The following TBX20 variants were observed in gnomAD, a reference collection of about 807,000 sequenced individuals.
TBX20 encodes the protein T-box transcription factor 20.
Under a neutral mutation model 42.9 loss-of-function variants are expected in TBX20, and 8 were observed. That is an observed-to-expected ratio of 0.19 (90% CI 0.11 to 0.34). The LOEUF is 0.34. Ranked by LOEUF, TBX20 falls within the 10% of genes least tolerant of loss-of-function variation. The pLI, the probability that TBX20 is intolerant of heterozygous loss-of-function variation, is 1.00. For missense variants in TBX20, 411 were observed against 566.0 expected (o/e 0.73, Z 2.78); for synonymous variants, 198 against 222.8 (o/e 0.89, Z 0.99).
At chr7:35,233,867 C>T (rs1481839888) in intron 5 of TBX20, among the ~76,000 whole-genome samples, 3 of 152,212 alleles carry the variant, frequency 2.0e-5, no homozygotes, top group Non-Finnish European at 2.9e-5. Flanking sequence ...ACATGCACTG[C>T]GCTAGATGTC....
intron 3 of TBX20, 52 bp from the exon 4 acceptor site, chr7:35,245,109 C>T: frequency 7.6e-7 from 1 of 1,313,978 alleles, no homozygotes; most frequent in Non-Finnish European, 1.1e-6. Flanking sequence ...AAGTCTGTCT[C>T]TGTAGGTTAT....
chr7:35,232,172 C>A (rs892326223), intron 5 of TBX20, among the ~76,000 whole-genome samples: 2 of 152,148 alleles, frequency 1.3e-5, no homozygotes, highest in Non-Finnish European at 2.9e-5. Context: ...TTGACTAAAT[C>A]AGAATCAAAT....
intron 3 of TBX20, among the ~76,000 whole-genome samples, chr7:35,246,891 A>G (rs768978038): frequency 1.4e-4 from 22 of 152,152 alleles, no homozygotes; most frequent in Non-Finnish European, 2.8e-4. Flanking sequence ...AATCTAAAAA[A>G]GCTGAACTAG....
chr7:35,234,882 T>C (rs2128713872), intron 5 of TBX20, among the ~76,000 whole-genome samples: 1 of 152,238 alleles, frequency 6.6e-6, no homozygotes, highest in African/African-American at 2.4e-5. Context: ...TATGGGGTAT[T>C]AATAATTAGC....
At position 35,248,104 on chromosome 7, in the gene TBX20, C is replaced by T. The variant is rs558503468; in HGVS notation, c.545+573G>A. On this transcript the variant is annotated intron_variant, in intron 3 of 7. Coordinates refer to ENST00000408931, the MANE Select transcript of TBX20 (RefSeq NM_001077653.2). ...AAAGAACCAGTTATTGAATTACATT[C>T]ATCCACTAAAATTATAAAGGGAGAA... is the stretch of plus-strand genomic sequence containing the variant. Among the ~76,000 whole-genome samples, 17 of 152,250 alleles carry T rather than the reference C, an allele frequency of 1.1e-4. No individual in the cohort carries two copies. The East Asian group carries it at 3.3e-3, about 29-fold the overall frequency.
At chr7:35,240,763 C>G (rs1343646103) in intron 5 of TBX20, 116 bp downstream of exon 5, 10 of 941,816 alleles carry the variant, frequency 1.1e-5, no homozygotes, top group Non-Finnish European at 1.7e-5. Flanking sequence ...CTCAATAGCT[C>G]TCTGCAAAGT....
rs1311753368 is a variant in TBX20 at position 35,249,617 on chromosome 7, T to C, written c.380+334A>G. Reference sequence around the variant, plus strand: ...CACCAGGCACCCAGGCACAAATTCCTCCTCCTTCCAGATCCCGACCCTCCA... The same window carrying C: ...CACCAGGCACCCAGGCACAAATTCCCCCTCCTTCCAGATCCCGACCCTCCA... On this transcript the variant is annotated intron_variant, in intron 2 of 7. Coordinates refer to ENST00000408931, the MANE Select transcript of TBX20 (RefSeq NM_001077653.2). This position sits in a 1 kb window ranked among gnomAD's most constrained non-coding sequence, Gnocchi z 4.3. Among the ~76,000 whole-genome samples, 1 of 152,038 alleles carries C rather than the reference T, an allele frequency of 6.6e-6. No homozygotes were observed. Among genetic ancestry groups the C allele is most frequent in the East Asian group, 1.9e-4 (1 of 5,174 alleles).
chr7:35,222,011 G>T (rs924314800), intron 6 of TBX20, among the ~76,000 whole-genome samples: 2 of 151,854 alleles, frequency 1.3e-5, no homozygotes, highest in Non-Finnish European at 2.9e-5. Flanking sequence ...TTTAATTCTT[G>T]GCAAAAAATT....
intron 6 of TBX20, among the ~76,000 whole-genome samples, chr7:35,220,832 A>G (rs1039416333): frequency 1.3e-5 from 2 of 152,246 alleles, no homozygotes; most frequent in African/African-American, 4.8e-5. Flanking sequence ...TAAAATCTCT[A>G]ATTTGTGCTT....
chr7:35,248,931 G>A, intron 2 of TBX20, 90 bp from the exon 3 acceptor site: 1 of 1,519,008 alleles, frequency 6.6e-7, no homozygotes, highest in African/African-American at 1.4e-5. Flanking sequence ...GGGAGGGAAG[G>A]AGGGAAAGGG....
chr7:35,234,163 T>C (rs183475203), intron 5 of TBX20, among the ~76,000 whole-genome samples: 2 of 152,370 alleles, frequency 1.3e-5, no homozygotes, highest in Non-Finnish European at 2.9e-5. Flanking sequence ...CAGCCATCTC[T>C]CTAAGATATG....
At position 35,217,679 on chromosome 7, in the gene TBX20, C is replaced by T. The variant is rs1253721665; in HGVS notation, c.891-13097G>A. Among the ~76,000 whole-genome samples, 5 of 152,014 alleles carry T rather than the reference C, an allele frequency of 3.3e-5. No homozygotes were observed. In the East Asian group the frequency reaches 9.6e-4, roughly 29 times the overall value. On this transcript the variant is annotated intron_variant, in intron 6 of 7. Coordinates refer to ENST00000408931, the MANE Select transcript of TBX20 (RefSeq NM_001077653.2). Reference sequence around the variant, plus strand: ...ATTCCTTCTTTCTTACTGTTGTTGTCAATAGATTTTGATTTTATTAAATTA... The same window carrying T: ...ATTCCTTCTTTCTTACTGTTGTTGTTAATAGATTTTGATTTTATTAAATTA...
At chr7:35,245,349 T>TGTGTGTGTGTG (rs1554287409) in intron 3 of TBX20, among the ~76,000 whole-genome samples, 8 of 151,378 alleles carry the variant, frequency 5.3e-5, no homozygotes, top group South Asian at 2.1e-4. Context: ...TGTGTGTGTG[T>TGTGTGTGTGTG]TTTCATCTAT....
Position 35,253,689 on chromosome 7 carries a change from A to T in TBX20, c.-69T>A. The T allele has an allele frequency of 6.3e-7, 1 of 1,575,598 alleles. No homozygotes were observed. The highest frequency in any genetic ancestry group is 1.1e-5 in the South Asian group (1 of 87,806). The stretch of plus-strand genomic sequence containing the variant: ...CTGCCGTCCAGATTCCCCAAGGGAG[A>T]CAAAGACCCGAAACACAGCTCAAAG... On this transcript the variant is annotated 5_prime_UTR_variant, in exon 1 of 8. Coordinates refer to ENST00000408931, the MANE Select transcript of TBX20 (RefSeq NM_001077653.2).
At chr7:35,222,161 T>C (rs1319318125) in intron 6 of TBX20, among the ~76,000 whole-genome samples, 1 of 152,190 alleles carries the variant, frequency 6.6e-6, no homozygotes, top group Non-Finnish European at 1.5e-5. Context: ...TCACAAATCA[T>C]GTGAATTTGG....
At chr7:35,207,697 G>C (rs532364157) in intron 6 of TBX20, among the ~76,000 whole-genome samples, 2 of 152,224 alleles carry the variant, frequency 1.3e-5, no homozygotes, top group East Asian at 3.9e-4. Context: ...TTGTGCTTAT[G>C]AATATCCCAT....
chr7:35,225,504 T>C (rs892159757), intron 6 of TBX20, among the ~76,000 whole-genome samples: 4 of 152,226 alleles, frequency 2.6e-5, no homozygotes, highest in African/African-American at 9.6e-5. Context: ...TAACCACCTG[T>C]GGCCAGCAGC....
intron 6 of TBX20, among the ~76,000 whole-genome samples, chr7:35,215,278 A>G (rs370167272): frequency 6.6e-6 from 1 of 152,230 alleles, no homozygotes; most frequent in African/African-American, 2.4e-5. Flanking sequence ...AAAGGATGGC[A>G]TAATTGAATT....
At position 35,225,038 on chromosome 7, in the gene TBX20, TAA is replaced by T. The variant is rs1428821611; in HGVS notation, c.890+6464_890+6465del. On this transcript the variant is annotated intron_variant, in intron 6 of 7. Transcript: ENST00000408931. The stretch of plus-strand genomic sequence containing the variant: ...AGTATAACTACTAGAAAGGAAGAGA[TAA>T]AATCATCATTTTTGCAAATGATATA... Among the ~76,000 whole-genome samples the T allele has an allele frequency of 2.0e-5, 3 of 152,156 alleles. No individual in the cohort carries two copies. The East Asian group carries it at 5.8e-4, about 29-fold the overall frequency.
Sources: allele counts gnomAD v4.1 joint callset (sites outside exome capture counted in the v4.1 genomes callset), GRCh38; gene constraint gnomAD v4.1.1; non-coding constraint Gnocchi (gnomAD v3.1); transcripts MANE v1.5; gene names NCBI Gene and HGNC (gene_info 2026-07-23, HGNC 2026-07-21).